Variants in PCDHA2 observed in about 807,000 individuals in gnomAD.
PCDHA2 encodes protocadherin alpha 2, also known as protocadherin alpha-2.
A neutral mutation model predicts 66.0 loss-of-function variants in PCDHA2; 58 were observed. The observed-to-expected ratio is 0.88, with a 90% confidence interval of 0.71 to 1.09. The LOEUF (loss-of-function observed/expected upper bound fraction) is 1.09, where lower values mean the gene tolerates loss of function less well. Among genes scored for constraint, PCDHA2 ranks in the 50% least tolerant of loss-of-function variants. The probability of loss-of-function intolerance (pLI) is 0.00; values close to 1 mark genes in which losing one functional copy is unlikely to be tolerated. For synonymous variants in PCDHA2, 634 were observed against 554.0 expected (o/e 1.14, Z -2.03); for missense variants, 1,267 against 1,242.3 (o/e 1.02, Z -0.30).
In PCDHA2 at chr5:140,839,923, A is replaced by G. The variant is rs2150301855; in HGVS notation, c.2388+42571A>G. ...TGAAGTAATAGAAGAAAAACCTTGAACAAAGAGTGTGCCAAGAAGGAGACA... is the reference window on the plus strand; with the variant it reads ...TGAAGTAATAGAAGAAAAACCTTGAGCAAAGAGTGTGCCAAGAAGGAGACA... On this transcript the variant is annotated intron_variant, in intron 1 of 3. Transcript: ENST00000526136. Among the ~76,000 whole-genome samples the G allele has an allele frequency of 3.2e-4, 49 of 152,178 alleles. No individual in the cohort carries two copies. In the South Asian group the frequency reaches 8.1e-3, roughly 25 times the overall value.
At chr5:140,857,196 A>G in intron 1 of PCDHA2, 1 of 1,598,586 alleles carries the variant, frequency 6.3e-7, no homozygotes, top group Non-Finnish European at 8.6e-7. Flanking sequence ...GCCAACGGAC[A>G]GGTCACCTGC....
At chr5:140,942,260 T>TA (rs2093256424) in intron 1 of PCDHA2, among the ~76,000 whole-genome samples, 1 of 152,086 alleles carries the variant, frequency 6.6e-6, no homozygotes, top group African/African-American at 2.4e-5. Flanking sequence ...AAAAGATATC[T>TA]AAAGCTGGTA....
rs782790916 is a variant in PCDHA2 at position 140,796,460 on chromosome 5, T to A, written c.1496T>A (p.Val499Glu). 1.3e-6 allele frequency: 2 copies of A among 1,596,174 alleles called. No homozygotes were observed. Among genetic ancestry groups the A allele is most frequent in the South Asian group, 2.2e-5 (2 of 89,482 alleles). ...TCCTACTCGCTGGTGGAGCGGCGGG[T>A]GGGCGAGCGCGCGTTGTCGAGCTAC... Reference protein sequence around the residue: ...LVSYSLVERRVGERALSSYVS... With the variant: ...LVSYSLVERREGERALSSYVS... The change falls in exon 1 of 4, where the codon GTG (valine) becomes GAG (glutamate). Residue 499 changes from valine (V) to glutamate (E), a missense_variant. Coordinates refer to ENST00000526136, the MANE Select transcript of PCDHA2 (RefSeq NM_018905.3).
chr5:140,805,814 T>C lies in PCDHA2; in HGVS notation c.2388+8462T>C, dbSNP rs569949433. 2.6e-5 allele frequency among the ~76,000 whole-genome samples: 4 copies of C among 152,246 alleles called. No individual in the cohort carries two copies. In the East Asian group the frequency reaches 5.8e-4, roughly 22 times the overall value. ...TATCTTTAGAAAATCATAGAGGCTATTGAAACACCACATTTTCCCAACTAG... is the reference window on the plus strand; with the variant it reads ...TATCTTTAGAAAATCATAGAGGCTACTGAAACACCACATTTTCCCAACTAG... On this transcript the variant is annotated intron_variant, in intron 1 of 3. Coordinates refer to ENST00000526136, the MANE Select transcript of PCDHA2 (RefSeq NM_018905.3).
intron 1 of PCDHA2, chr5:140,870,969 C>T: frequency 1.2e-6 from 2 of 1,613,644 alleles, no homozygotes; most frequent in Non-Finnish European, 1.7e-6. Context: ...TCCCGTTCCG[C>T]GTGGGGCTGT....
chr5:140,954,505 A>G (rs1011072156), intron 1 of PCDHA2, among the ~76,000 whole-genome samples: 2 of 152,082 alleles, frequency 1.3e-5, no homozygotes, highest in Non-Finnish European at 2.9e-5. Flanking sequence ...TTTGATTTGC[A>G]TTTACCTAAT....
intron 1 of PCDHA2, chr5:140,812,725 C>A (rs1158807394): frequency 2.6e-5 from 4 of 152,250 alleles, no homozygotes; most frequent in Admixed American, 6.5e-5. Flanking sequence ...TCCCAAAGCA[C>A]TGGGATTACA....
At chr5:140,887,249 A>AC (rs1367463344) in intron 1 of PCDHA2, among the ~76,000 whole-genome samples, 3 of 151,838 alleles carry the variant, frequency 2.0e-5, no homozygotes, top group Non-Finnish European at 4.4e-5. Context: ...GGCGCCCGCC[A>AC]CCACGCCCTG....
At position 141,011,371 on chromosome 5, in the gene PCDHA2, G is replaced by A. The variant is rs782444449; in HGVS notation, c.*1434G>A. 6.5e-6 allele frequency: 1 copy of A among 153,724 alleles called. No homozygotes were observed. The highest frequency in any genetic ancestry group is 1.5e-5 in the Non-Finnish European group (1 of 68,022). 9.5% of individuals were successfully genotyped at this position (153,724 alleles called of 1,614,324 possible). On this transcript the variant is annotated 3_prime_UTR_variant, in exon 4 of 4. Transcript: ENST00000526136. ...CTCCCATATGTATGCTGTATGCTAT[G>A]CTAAGACTCCTGAAATATACTTACT...
intron 1 of PCDHA2, 41 bp from the exon 2 acceptor site, chr5:140,978,908 T>C: frequency 6.2e-7 from 1 of 1,613,772 alleles, no homozygotes; most frequent in Non-Finnish European, 8.5e-7. Context: ...GAGAACATTG[T>C]CTTGTCATTT....
chr5:140,949,764 G>A (rs1168507534), intron 1 of PCDHA2, among the ~76,000 whole-genome samples: 2 of 151,746 alleles, frequency 1.3e-5, no homozygotes, highest in African/African-American at 2.4e-5. Flanking sequence ...TCACATTAGT[G>A]TAATATTTGA....
chr5:140,841,326 A>G (rs2150313603), intron 1 of PCDHA2: 2 of 1,607,682 alleles, frequency 1.2e-6, no homozygotes, highest in South Asian at 2.2e-5. Flanking sequence ...TTTAACATGG[A>G]TTATCACTGG....
At chr5:140,820,522 G>A (rs2150107186) in intron 1 of PCDHA2, among the ~76,000 whole-genome samples, 2 of 152,094 alleles carry the variant, frequency 1.3e-5, no homozygotes, top group East Asian at 1.9e-4. Flanking sequence ...CAAGCAGAAT[G>A]TTAGCTATTT....
At position 140,795,090 on chromosome 5, in the gene PCDHA2, C is replaced by A. The variant is rs1761914213; in HGVS notation, c.126C>A (p.Gly42=). 6.2e-7 allele frequency: 1 copy of A among 1,614,012 alleles called. No individual in the cohort carries two copies. The highest frequency in any genetic ancestry group is 1.7e-4 in the Middle Eastern group (1 of 6,034). The change falls in exon 1 of 4, where the codon GGC becomes GGA. Residue 42 remains glycine, a synonymous_variant. Coordinates refer to ENST00000526136, the MANE Select transcript of PCDHA2 (RefSeq NM_018905.3). ...CCGTCCCCGAGGAGGCCAAACACGG[C>A]ACCTTCGTGGGCCGCATCGCGCAGG... is the stretch of plus-strand genomic sequence containing the variant. The part of the protein sequence containing the change: ...RYSVPEEAKH[G]TFVGRIAQDL...
chr5:140,928,014 G>A (rs1554205371), intron 1 of PCDHA2: 1 of 1,614,150 alleles, frequency 6.2e-7, no homozygotes, highest in Non-Finnish European at 8.5e-7. Flanking sequence ...CTAATGGTAG[G>A]GTCATTTGTG....
chr5:140,834,412 G>C (rs2150217251), intron 1 of PCDHA2: 1 of 1,611,044 alleles, frequency 6.2e-7, no homozygotes, highest in Non-Finnish European at 8.5e-7. Context: ...TACGACCCAG[G>C]GGGCCGACAT....
intron 1 of PCDHA2, chr5:140,821,989 G>C (rs2150112697): frequency 1.2e-6 from 2 of 1,614,206 alleles, no homozygotes; most frequent in South Asian, 1.1e-5. Context: ...GGGCCGCGGG[G>C]ACCTTCTGGA....
intron 1 of PCDHA2, chr5:140,871,289 G>T (rs955449203): frequency 6.2e-7 from 1 of 1,613,910 alleles, no homozygotes; most frequent in Non-Finnish European, 8.5e-7. Flanking sequence ...CCCACTGAGG[G>T]CGCGTGCGCG....
chr5:140,995,893 A>T (rs1038677586), intron 3 of PCDHA2, among the ~76,000 whole-genome samples: 1 of 152,182 alleles, frequency 6.6e-6, no homozygotes, highest in Non-Finnish European at 1.5e-5. Flanking sequence ...AGATTTATCA[A>T]TGTATAAAAG....
Sources: allele counts gnomAD v4.1 joint callset (sites outside exome capture counted in the v4.1 genomes callset), GRCh38; gene constraint gnomAD v4.1.1; transcripts MANE v1.5; gene names NCBI Gene and HGNC (gene_info 2026-07-23, HGNC 2026-07-21).